GABRB1: variants seen among roughly 807,000 people sequenced by gnomAD.
The protein encoded by GABRB1 is gamma-aminobutyric acid type A receptor subunit beta1.
A neutral mutation model predicts 51.6 loss-of-function variants in GABRB1; 17 were observed. That is an observed-to-expected ratio of 0.33 (90% CI 0.23 to 0.49). GABRB1 has a LOEUF of 0.49. Among genes scored for constraint, GABRB1 ranks in the 20% least tolerant of loss-of-function variants. The pLI is 0.99. For missense variants in GABRB1, 410 were observed against 600.6 expected (o/e 0.68, Z 3.32); for synonymous variants, 247 against 218.9 (o/e 1.13, Z -1.14).
At chr4:47,389,672 C>T (rs976894887) in intron 5 of GABRB1, among the ~76,000 whole-genome samples, 1 of 152,144 alleles carries the variant, frequency 6.6e-6, no homozygotes, top group African/African-American at 2.4e-5. Context: ...AGAAAGGAAC[C>T]CAAAGTAGCC....
chr4:47,286,251 A>G (rs958058014), intron 4 of GABRB1, among the ~76,000 whole-genome samples: 8 of 152,234 alleles, frequency 5.3e-5, no homozygotes, highest in African/African-American at 1.9e-4. Context: ...CCTGAAGCCT[A>G]TATAAATGAC....
chr4:47,097,301 C>T (rs940705869), intron 3 of GABRB1, among the ~76,000 whole-genome samples: 1 of 152,188 alleles, frequency 6.6e-6, no homozygotes, highest in Non-Finnish European at 1.5e-5. Context: ...ACTCATCAGG[C>T]ATGCTTCTGC....
Position 47,283,895 on chromosome 4 carries a change from A to G in GABRB1, c.462-36232A>G, listed in dbSNP as rs1450145074. On this transcript the variant is annotated intron_variant, in intron 4 of 8. Transcript: ENST00000295454. ...TCCTTCAGTATTTGATCAAAATGCA[A>G]AAGACGGATTGTCAAGCTTCTCACA... Among the ~76,000 whole-genome samples, 5 of 152,156 alleles carry G rather than the reference A, an allele frequency of 3.3e-5. No homozygotes were observed. In the East Asian group the frequency reaches 9.7e-4, roughly 30 times the overall value.
intron 8 of GABRB1, among the ~76,000 whole-genome samples, chr4:47,412,504 C>G (rs1035489557): frequency 4.6e-5 from 7 of 152,142 alleles, no homozygotes; most frequent in Non-Finnish European, 1.0e-4. Context: ...TGCTTTATAT[C>G]AACCTCTGGT....
chr4:47,317,146 T>C (rs1724922467), intron 4 of GABRB1, among the ~76,000 whole-genome samples: 1 of 151,910 alleles, frequency 6.6e-6, no homozygotes, highest in Non-Finnish European at 1.5e-5. Flanking sequence ...CTGTGCATGG[T>C]AGGATGTTTA....
Position 47,365,309 on chromosome 4 carries a change from C to G in GABRB1, c.545-38009C>G, listed in dbSNP as rs527507511. 1.8e-4 allele frequency among the ~76,000 whole-genome samples: 27 copies of G among 152,328 alleles called. No individual in the cohort carries two copies. In the South Asian group the frequency reaches 5.4e-3, roughly 30 times the overall value. On this transcript the variant is annotated intron_variant, in intron 5 of 8. Transcript: ENST00000295454. ...AAATTCCAAATGATAGTCTGTTTCACTTTTTTGTTTGTTTGTCCTTTCAAT... is the reference window on the plus strand; with the variant it reads ...AAATTCCAAATGATAGTCTGTTTCAGTTTTTTGTTTGTTTGTCCTTTCAAT...
chr4:46,998,514 C>A (rs1189430158), intron 1 of GABRB1, among the ~76,000 whole-genome samples: 1 of 151,758 alleles, frequency 6.6e-6, no homozygotes, highest in Non-Finnish European at 1.5e-5. Context: ...GGGTGGATCA[C>A]GAAGGTCAGG....
At chr4:47,122,057 T>G (rs1460107132) in intron 3 of GABRB1, among the ~76,000 whole-genome samples, 5 of 152,138 alleles carry the variant, frequency 3.3e-5, no homozygotes, top group Non-Finnish European at 7.3e-5. Flanking sequence ...CTCTCTAGAC[T>G]CTCAGACTCC....
intron 4 of GABRB1, among the ~76,000 whole-genome samples, chr4:47,206,951 C>T (rs1028180190): frequency 4.6e-5 from 7 of 151,806 alleles, no homozygotes; most frequent in African/African-American, 1.7e-4. Flanking sequence ...ATTTAAAATT[C>T]TATTCAGAAA....
intron 3 of GABRB1, among the ~76,000 whole-genome samples, chr4:47,143,502 A>G (rs1439697560): frequency 6.6e-6 from 1 of 151,842 alleles, no homozygotes; most frequent in African/African-American, 2.4e-5. Flanking sequence ...AAAGTAAACC[A>G]CAGAGATAAA....
chr4:47,268,224 A>G lies in GABRB1; in HGVS notation c.462-51903A>G, dbSNP rs553228881. The stretch of plus-strand genomic sequence containing the variant: ...TACCTCCATTTATATACTTTCTTAC[A>G]AAGTTGCTGTAAAATGTGCTACAAC... On this transcript the variant is annotated intron_variant, in intron 4 of 8. Coordinates refer to ENST00000295454, the MANE Select transcript of GABRB1 (RefSeq NM_000812.4). 3.3e-5 allele frequency among the ~76,000 whole-genome samples: 5 copies of G among 152,336 alleles called. No homozygotes were observed. In the South Asian group the frequency reaches 6.2e-4, roughly 19 times the overall value.
intron 5 of GABRB1, among the ~76,000 whole-genome samples, chr4:47,386,741 A>C (rs1186729708): frequency 6.6e-6 from 1 of 152,216 alleles, no homozygotes; most frequent in African/African-American, 2.4e-5. Flanking sequence ...GAAGGAAAAA[A>C]AAATTCAACA....
intron 5 of GABRB1, among the ~76,000 whole-genome samples, chr4:47,379,116 A>C (rs1727502091): frequency 6.6e-6 from 1 of 152,210 alleles, no homozygotes; most frequent in Non-Finnish European, 1.5e-5. Flanking sequence ...CTGAATTCAT[A>C]ATCTTGACTG....
intron 3 of GABRB1, among the ~76,000 whole-genome samples, chr4:47,042,286 A>C (rs892903360): frequency 6.6e-6 from 1 of 150,452 alleles, no homozygotes; most frequent in Admixed American, 6.6e-5. Context: ...GTTGACCATG[A>C]ATCATGAGCT....
intron 3 of GABRB1, among the ~76,000 whole-genome samples, chr4:47,116,960 T>G (rs530617211): frequency 1.3e-5 from 2 of 152,048 alleles, no homozygotes; most frequent in Non-Finnish European, 2.9e-5. Context: ...CCAGATCTCA[T>G]GAGAACTCAC....
chr4:47,030,086 T>C (rs1725239002), upstream of GABRB1, among the ~76,000 whole-genome samples: 1 of 152,170 alleles, frequency 6.6e-6, no homozygotes, highest in Admixed American at 6.5e-5. Context: ...TTGATTCAAA[T>C]TGGTTATATT....
At chr4:47,051,429 G>A (rs1343823572) in intron 3 of GABRB1, among the ~76,000 whole-genome samples, 1 of 152,222 alleles carries the variant, frequency 6.6e-6, no homozygotes, top group Non-Finnish European at 1.5e-5. Flanking sequence ...GAAGTTCTCA[G>A]CAAGTATTTA....
intron 4 of GABRB1, among the ~76,000 whole-genome samples, chr4:47,188,471 C>T (rs986552904): frequency 1.1e-4 from 16 of 151,768 alleles, no homozygotes; most frequent in African/African-American, 3.9e-4. Context: ...ATTTTGGATG[C>T]CAAGGTAAAT....
chr4:47,182,192 A>G lies in GABRB1; in HGVS notation c.461+20723A>G, dbSNP rs560064750. Among the ~76,000 whole-genome samples the G allele has an allele frequency of 2.8e-4, 42 of 152,062 alleles. 1 individual carries two copies. The highest frequency in any genetic ancestry group is 1.2e-3 in the Admixed American group (18 of 15,236). ...ATTTGTTCTTGACAGCATGAGAGCC[A>G]TTTCCTGGGATCGCTCAGAAAAGCA... On this transcript the variant is annotated intron_variant, in intron 4 of 8. Coordinates refer to ENST00000295454, the MANE Select transcript of GABRB1 (RefSeq NM_000812.4).
Sources: gnomAD v4.1 joint callset for allele counts (sites outside exome capture counted in the v4.1 genomes callset) on GRCh38, gnomAD v4.1.1 for gene constraint, MANE v1.5 for transcripts, NCBI Gene and HGNC (gene_info 2026-07-23, HGNC 2026-07-21) for gene names.